Variants in ARHGAP29 observed in about 807,000 individuals in gnomAD.
ARHGAP29 encodes Rho GTPase activating protein 29, also known as rho GTPase-activating protein 29.
A neutral mutation model predicts 122.6 loss-of-function variants in ARHGAP29; 43 were observed. The observed-to-expected ratio is 0.35, with a 90% CI of 0.27 to 0.45. The LOEUF is 0.45. Ranked by LOEUF, ARHGAP29 falls within the 20% of genes least tolerant of loss-of-function variation. The probability of loss-of-function intolerance (pLI) is 1.00; values close to 1 mark genes in which losing one functional copy is unlikely to be tolerated. For synonymous variants in ARHGAP29, 506 were observed against 497.1 expected (o/e 1.02, Z -0.24); for missense variants, 1,303 against 1,477.2 (o/e 0.88, Z 1.93).
At chr1:94,272,160 G>A (rs971145538) in intron 1 of ARHGAP29, among the ~76,000 whole-genome samples, 2 of 152,202 alleles carry the variant, frequency 1.3e-5, no homozygotes, top group African/African-American at 4.8e-5. Context: ...ACCACCAGGA[G>A]AGCCACCAAC....
chr1:94,204,884 C>T (rs1208643226), intron 7 of ARHGAP29, among the ~76,000 whole-genome samples, 177 bp downstream of exon 7: 1 of 152,072 alleles, frequency 6.6e-6, no homozygotes, highest in Non-Finnish European at 1.5e-5. Flanking sequence ...AGTTGGTCCA[C>T]AGTAAATACT....
In ARHGAP29 at chr1:94,172,358, TTATTTTA is replaced by T. The variant is rs913065528; in HGVS notation, c.*1504_*1510del. On this transcript the variant is annotated 3_prime_UTR_variant, in exon 23 of 23. Coordinates refer to ENST00000260526, the MANE Select transcript of ARHGAP29 (RefSeq NM_004815.4). ...TTTTTAGGTATTCATAGCAATATGATTATTTTATATTTTGTACAATGAGGACTAAAAA... is the reference window on the plus strand; with the variant it reads ...TTTTTAGGTATTCATAGCAATATGATTATTTTGTACAATGAGGACTAAAAA... 6 of 152,002 alleles carry T rather than the reference TTATTTTA, an allele frequency of 3.9e-5. No individual in the cohort carries two copies. Among genetic ancestry groups the T allele is most frequent in the African/African-American group, 7.2e-5 (3 of 41,408 alleles). The allele number at this position is 152,002 out of a possible 1,614,324, so 9.4% of individuals were successfully genotyped here. A position where few individuals can be genotyped will look rare whatever the true frequency, so the allele number is the denominator to read the frequency against.
At chr1:94,244,074 G>C in intron 1 of ARHGAP29, among the ~76,000 whole-genome samples, 1 of 151,794 alleles carries the variant, frequency 6.6e-6, no homozygotes, top group East Asian at 1.9e-4. Flanking sequence ...GAGCTTCACT[G>C]ATAAAATTCA....
At chr1:94,205,031 C>G in intron 7 of ARHGAP29, 30 bp downstream of exon 7, 1 of 1,534,252 alleles carries the variant, frequency 6.5e-7, no homozygotes, top group Non-Finnish European at 8.7e-7. Context: ...TTATTATACT[C>G]TAAATCAGAT....
At chr1:94,178,433 A>G (rs1468714006) in intron 20 of ARHGAP29, among the ~76,000 whole-genome samples, 4 of 152,158 alleles carry the variant, frequency 2.6e-5, no homozygotes, top group Non-Finnish European at 5.9e-5. Context: ...AAATACCCCT[A>G]AAAACTGCTC....
chr1:94,263,253 G>A (rs1654630714), intron 1 of ARHGAP29, among the ~76,000 whole-genome samples: 1 of 152,160 alleles, frequency 6.6e-6, no homozygotes, highest in Admixed American at 6.5e-5. Context: ...GAGGGTGGAA[G>A]TTGAGAGGAG....
At position 94,251,443 on chromosome 1, in the gene ARHGAP29, A is replaced by G. The variant is rs111632961; in HGVS notation, c.-32-19800T>C. Among the ~76,000 whole-genome samples the G allele has an allele frequency of 7.6e-4, 116 of 152,258 alleles. 2 individuals are homozygous for G. Among genetic ancestry groups the G allele is most frequent in the African/African-American group, 2.7e-3 (112 of 41,554 alleles). On this transcript the variant is annotated intron_variant and NMD_transcript_variant, in intron 1 of 25. Coordinates refer to the ARHGAP29 transcript ENST00000552844. ...CGTGAGCCACCGTGCCTGGCCTATC[A>G]TACCCATTTTATAAATGAAAAGCTG...
intron 19 of ARHGAP29, among the ~76,000 whole-genome samples, chr1:94,180,917 T>G (rs1649414393): frequency 6.6e-6 from 1 of 152,186 alleles, no homozygotes; most frequent in African/African-American, 2.4e-5. Context: ...CATTATGAGA[T>G]TTATAGTCAT....
chr1:94,253,719 A>G (rs35275815), intron 1 of ARHGAP29, among the ~76,000 whole-genome samples: 14,030 of 152,198 alleles, frequency 0.092, 713 homozygotes, highest in South Asian at 0.14. Context: ...GGCTGGCTTT[A>G]GGAAGGAGTA....
intron 2 of ARHGAP29, among the ~76,000 whole-genome samples, chr1:94,225,227 A>C (rs1652546950): frequency 6.6e-6 from 1 of 152,154 alleles, no homozygotes; most frequent in African/African-American, 2.4e-5. Context: ...AGTAAAAAAC[A>C]ATAGATTTAG....
At chr1:94,278,508 G>T (rs1280414288), upstream of ARHGAP29, among the ~76,000 whole-genome samples, 1 of 152,098 alleles carries the variant, frequency 6.6e-6, no homozygotes, top group Non-Finnish European at 1.5e-5. Flanking sequence ...ATAACCCAGA[G>T]ATACTCAGTG....
the ARHGAP29 span, among the ~76,000 whole-genome samples, chr1:94,288,975 C>T: frequency 6.6e-6 from 1 of 152,078 alleles, no homozygotes; most frequent in African/African-American, 2.4e-5. Context: ...GCTATGTGGG[C>T]TCTTTTTTGT....
the ARHGAP29 span, among the ~76,000 whole-genome samples, chr1:94,313,417 T>C: frequency 6.6e-6 from 1 of 152,194 alleles, no homozygotes; most frequent in African/African-American, 2.4e-5. Flanking sequence ...CCTATTATTG[T>C]TTAAAGTGTA....
At position 94,182,715 on chromosome 1, in the gene ARHGAP29, A is replaced by G. The variant is rs375450522; in HGVS notation, c.2247+1436T>C. Reference sequence around the variant, plus strand: ...AACACTTATGACATTTCCATTCAAGAGAGTAGAATATAAAGACATTCGTGG... The same window carrying G: ...AACACTTATGACATTTCCATTCAAGGGAGTAGAATATAAAGACATTCGTGG... On this transcript the variant is annotated intron_variant, in intron 19 of 22. Coordinates refer to ENST00000260526, the MANE Select transcript of ARHGAP29 (RefSeq NM_004815.4). Among the ~76,000 whole-genome samples the G allele has an allele frequency of 2.0e-5, 3 of 152,316 alleles. No individual in the cohort carries two copies. In the East Asian group the frequency reaches 5.8e-4, roughly 29 times the overall value.
rs1396126815 is a variant in ARHGAP29, at chr1:94,177,689, ATTTTGC to A, written c.2822_2827del (p.Ser941_Lys942del). The A allele has an allele frequency of 6.2e-7, 1 of 1,613,206 alleles. No homozygotes were observed. The highest frequency in any genetic ancestry group is 1.1e-5 in the South Asian group (1 of 90,756). ...CTCAAATGATGTAGCTCGTTCAAAA[ATTTTGC>A]TTTCACTCTCTGAAGTATGGATATC... On this transcript the variant is annotated inframe_deletion, in exon 22 of 23. Coordinates refer to ENST00000260526, the MANE Select transcript of ARHGAP29 (RefSeq NM_004815.4).
intron 3 of ARHGAP29, among the ~76,000 whole-genome samples, chr1:94,210,771 C>T (rs1354552263): frequency 6.6e-6 from 1 of 152,094 alleles, no homozygotes; most frequent in Non-Finnish European, 1.5e-5. Context: ...GGTGTGGTGG[C>T]TCATGCCTGT....
At chr1:94,269,744 T>A (rs183574861) in intron 1 of ARHGAP29, among the ~76,000 whole-genome samples, 16 of 152,290 alleles carry the variant, frequency 1.1e-4, no homozygotes, top group Non-Finnish European at 2.1e-4. Flanking sequence ...GCTGGGGGTA[T>A]AGTAGGGACT....
At chr1:94,232,403 A>G (rs963965712) in intron 1 of ARHGAP29, among the ~76,000 whole-genome samples, 3 of 152,200 alleles carry the variant, frequency 2.0e-5, no homozygotes, top group African/African-American at 4.8e-5. Context: ...ACCAAGTCTC[A>G]TCAAGGATAT....
At chr1:94,243,140 A>G (rs539648185) in intron 1 of ARHGAP29, among the ~76,000 whole-genome samples, 3 of 152,276 alleles carry the variant, frequency 2.0e-5, no homozygotes, top group Non-Finnish European at 4.4e-5. Context: ...ATAGAATAAC[A>G]GAAAATCATT....
Sources: allele counts gnomAD v4.1 joint callset (sites outside exome capture counted in the v4.1 genomes callset), GRCh38; gene constraint gnomAD v4.1.1; transcripts MANE v1.5; gene names NCBI Gene and HGNC (gene_info 2026-07-23, HGNC 2026-07-21).